PTPRE: variants seen among roughly 807,000 people sequenced by gnomAD.
The protein encoded by PTPRE is receptor-type tyrosine-protein phosphatase epsilon.
Under a neutral mutation model 102.0 loss-of-function variants are expected in PTPRE, and 51 were observed. The ratio of observed to expected loss-of-function variants is 0.50; its 90% CI spans 0.40 to 0.63. The LOEUF (loss-of-function observed/expected upper bound fraction) is 0.63, where lower values mean the gene tolerates loss of function less well. Among genes scored for constraint, PTPRE ranks in the 30% least tolerant of loss-of-function variants. The pLI is 0.00. For synonymous variants in PTPRE, 345 were observed against 348.2 expected, an observed-to-expected ratio of 0.99 and a Z score of 0.10; for missense variants, 752 against 915.1, an observed-to-expected ratio of 0.82 and a Z score of 2.30.
At chr10:128,004,221 A>T (rs1854279423) in intron 2 of PTPRE, among the ~76,000 whole-genome samples, 1 of 151,266 alleles carries the variant, frequency 6.6e-6, no homozygotes, top group Non-Finnish European at 1.5e-5. Context: ...TGCCAGGCTG[A>T]GGAGGGTGCC....
chr10:128,083,062 T>G lies in PTPRE; in HGVS notation c.*156T>G. The stretch of plus-strand genomic sequence containing the variant: ...CCACCTGCTATACAGTTGTTAAATC[T>G]TAAATATGCTTTTTAAAAATTGGAA... On this transcript the variant is annotated 3_prime_UTR_variant, in exon 21 of 21. Transcript: ENST00000254667. The G allele has an allele frequency of 1.7e-6, 1 of 580,226 alleles. No homozygotes were observed. The highest frequency in any genetic ancestry group is 4.9e-4 in the Middle Eastern group (1 of 2,028). The allele number at this position is 580,226 out of a possible 1,614,324, so 35.9% of individuals were successfully genotyped here. A position where few individuals can be genotyped will look rare whatever the true frequency, so the allele number is the denominator to read the frequency against.
intron 1 of PTPRE, among the ~76,000 whole-genome samples, chr10:127,964,546 T>C (rs1850089779): frequency 6.7e-6 from 1 of 149,776 alleles, no homozygotes; most frequent in Non-Finnish European, 1.5e-5. Flanking sequence ...TAAGAATTAA[T>C]GAAGTTCTTA....
chr10:127,956,688 C>T (rs1310988360), intron 1 of PTPRE, among the ~76,000 whole-genome samples: 1 of 152,178 alleles, frequency 6.6e-6, no homozygotes, highest in Non-Finnish European at 1.5e-5. Context: ...GCATTTGAAG[C>T]AATAAATGAG....
chr10:128,046,760 C>T (rs527878107), intron 3 of PTPRE, among the ~76,000 whole-genome samples: 38 of 152,180 alleles, frequency 2.5e-4, no homozygotes, highest in Non-Finnish European at 4.9e-4. Flanking sequence ...AGCAACAAAG[C>T]CACTTAGCTG....
At chr10:128,054,881 G>A (rs920228984) in intron 6 of PTPRE, among the ~76,000 whole-genome samples, 4 of 152,088 alleles carry the variant, frequency 2.6e-5, no homozygotes, top group Non-Finnish European at 4.4e-5. Context: ...TAGTTGCAGC[G>A]GGACCCCTCA....
intron 2 of PTPRE, among the ~76,000 whole-genome samples, chr10:127,985,624 A>G (rs1230812785): frequency 2.0e-5 from 3 of 152,178 alleles, no homozygotes; most frequent in Non-Finnish European, 4.4e-5. Flanking sequence ...AGCTGTGGTT[A>G]TCACTGCTAC....
At chr10:128,006,363 A>G (rs907486920) in intron 2 of PTPRE, among the ~76,000 whole-genome samples, 1 of 152,238 alleles carries the variant, frequency 6.6e-6, no homozygotes, top group African/African-American at 2.4e-5. Context: ...ACCTGAGCAC[A>G]GGAATTGTAC....
chr10:127,964,316 C>T (rs1382275735), intron 1 of PTPRE, among the ~76,000 whole-genome samples: 1 of 151,976 alleles, frequency 6.6e-6, no homozygotes, highest in Non-Finnish European at 1.5e-5. Context: ...ATTACAGGAG[C>T]CCACCACCGC....
chr10:128,053,075 C>G (rs1157300584), intron 6 of PTPRE, among the ~76,000 whole-genome samples: 2 of 152,044 alleles, frequency 1.3e-5, no homozygotes, highest in Non-Finnish European at 2.9e-5. Flanking sequence ...ATGGTGAAAC[C>G]CCATCTCTAC....
In PTPRE at chr10:127,907,317, C is replaced by G. The variant is rs11018398; in HGVS notation, c.-31+8C>G. 0.11 allele frequency: 111,048 copies of G among 984,428 alleles called. 7,166 individuals are homozygous for G. The highest frequency in any genetic ancestry group is 0.25 in the African/African-American group (14,242 of 57,158). The allele number at this position is 984,428 out of a possible 1,614,324, so 61.0% of individuals were successfully genotyped here. On this transcript the variant is annotated splice_region_variant and intron_variant, in intron 1 of 20. Transcript: ENST00000254667. This position sits in a 1 kb window ranked among gnomAD's most constrained non-coding sequence, Gnocchi z 4.8. ...CAGACCGGCCCCCCCGAGGTGAGCGCGCGTGCGGACAGGGACCCTGCGCCC... is the reference window on the plus strand; with the variant it reads ...CAGACCGGCCCCCCCGAGGTGAGCGGGCGTGCGGACAGGGACCCTGCGCCC...
At chr10:128,071,860 C>A in intron 15 of PTPRE, 3 of 317,844 alleles carry the variant, frequency 9.4e-6, no homozygotes, top group Non-Finnish European at 1.7e-5. Context: ...TTTACTCCTT[C>A]AGCGCAATAT....
chr10:127,999,085 T>C (rs1853596473), intron 2 of PTPRE: 1 of 152,144 alleles, frequency 6.6e-6, no homozygotes, highest in African/African-American at 2.4e-5. Flanking sequence ...GAAATGGGAA[T>C]TTGGTGTTCA....
chr10:128,023,482 G>A (rs1269080363), intron 2 of PTPRE, among the ~76,000 whole-genome samples: 6 of 151,966 alleles, frequency 3.9e-5, no homozygotes, highest in Admixed American at 6.6e-5. Flanking sequence ...GAGAGAGCAC[G>A]TTTACATGAC....
At chr10:127,985,072 A>T (rs934156313) in intron 2 of PTPRE, among the ~76,000 whole-genome samples, 12 of 152,338 alleles carry the variant, frequency 7.9e-5, no homozygotes, top group African/African-American at 1.4e-4. Flanking sequence ...AGAACTAAAA[A>T]GATAGTCCAC....
chr10:128,015,471 A>G (rs1451826334), intron 2 of PTPRE, among the ~76,000 whole-genome samples: 1 of 151,848 alleles, frequency 6.6e-6, no homozygotes, highest in East Asian at 1.9e-4. Context: ...GGTTCACACC[A>G]TTCTCCTGCC....
chr10:127,998,353 T>C (rs1853497639), intron 2 of PTPRE: 1 of 152,242 alleles, frequency 6.6e-6, no homozygotes. Context: ...CCCAGGCTGC[T>C]ATTCCAGTCG....
intron 2 of PTPRE, among the ~76,000 whole-genome samples, chr10:128,002,360 G>T (rs1447300676): frequency 1.3e-5 from 2 of 152,172 alleles, no homozygotes; most frequent in Non-Finnish European, 2.9e-5. Context: ...GTGGTCATTT[G>T]CAGGGGAGCT....
chr10:128,043,556 G>T (rs182458887), intron 3 of PTPRE, among the ~76,000 whole-genome samples: 1 of 152,236 alleles, frequency 6.6e-6, no homozygotes, highest in Non-Finnish European at 1.5e-5. Flanking sequence ...AGAGACCTCC[G>T]CTGTGGATGA....
At chr10:127,909,200 A>G (rs1044496891) in intron 1 of PTPRE, among the ~76,000 whole-genome samples, 8 of 152,100 alleles carry the variant, frequency 5.3e-5, no homozygotes, top group African/African-American at 1.9e-4. Context: ...CGTGTGTGCA[A>G]ACCATTGCCC....
Sources: allele counts gnomAD v4.1 joint callset (sites outside exome capture counted in the v4.1 genomes callset), GRCh38; gene constraint gnomAD v4.1.1; non-coding constraint Gnocchi (gnomAD v3.1); transcripts MANE v1.5; gene names NCBI Gene and HGNC (gene_info 2026-07-23, HGNC 2026-07-21).